Variants in TRPA1 observed in about 807,000 individuals in gnomAD.
The protein encoded by TRPA1 is transient receptor potential cation channel subfamily A member 1.
In TRPA1, 129 loss-of-function variants were observed where a neutral mutation model predicts 131.3. The ratio of observed to expected loss-of-function variants is 0.98; its 90% CI spans 0.85 to 1.14. The LOEUF is 1.14. Ranked by LOEUF, TRPA1 falls within the 50% of genes most tolerant of loss-of-function variation. TRPA1 has a pLI of 0.00. For missense variants in TRPA1, 1,304 were observed against 1,354.2 expected, an observed-to-expected ratio of 0.96 and a Z score of 0.58; for synonymous variants, 441 against 451.7, an observed-to-expected ratio of 0.98 and a Z score of 0.30.
rs781662861 is a variant in TRPA1 at position 72,059,429 on chromosome 8, C to A, written c.954G>T (p.Leu318Phe). The change falls in exon 8 of 27, where the codon TTG becomes TTT. Residue 318 changes from leucine (L) to phenylalanine (F), a missense_variant. Leu to Phe is a conservative substitution (Grantham distance 22, BLOSUM62 0). Coordinates refer to ENST00000262209, the MANE Select transcript of TRPA1 (RefSeq NM_007332.3). Reference sequence around the variant, plus strand: ...AGTCTGCTAGCTCATGGTGATCAAACAATGAAGCTCTGAAAAAACAGAATT... The same window carrying A: ...AGTCTGCTAGCTCATGGTGATCAAAAAATGAAGCTCTGAAAAAACAGAATT... ...CHETMLHRAS[L>F]FDHHELADYL... 6.3e-7 allele frequency: 1 copy of A among 1,580,576 alleles called. No individual in the cohort carries two copies. The highest frequency in any genetic ancestry group is 8.6e-7 in the Non-Finnish European group (1 of 1,156,196).
At chr8:72,041,278 T>C (rs1422360317) in intron 17 of TRPA1, 1 of 152,000 alleles carries the variant, frequency 6.6e-6, no homozygotes, top group East Asian at 1.9e-4. Flanking sequence ...GACTTCACTA[T>C]CTGACTTTCA....
intron 17 of TRPA1, among the ~76,000 whole-genome samples, chr8:72,041,614 A>T (rs561809730): frequency 6.6e-6 from 1 of 152,094 alleles, no homozygotes; most frequent in South Asian, 2.1e-4. Flanking sequence ...TAAACAGCAA[A>T]TAGGTCAAAG....
chr8:72,072,378 C>T (rs1806083012), intron 1 of TRPA1, among the ~76,000 whole-genome samples: 1 of 152,146 alleles, frequency 6.6e-6, no homozygotes, highest in African/African-American at 2.4e-5. Flanking sequence ...ATTTATTCAG[C>T]AAATGTCAGG....
intron 3 of TRPA1, 132 bp downstream of exon 3, chr8:72,068,891 A>G: frequency 1.1e-6 from 1 of 920,112 alleles, no homozygotes; most frequent in East Asian, 2.4e-5. Context: ...AGTAAAGCAA[A>G]TGTAATAATT....
chr8:72,031,458 G>C (rs774942243), intron 23 of TRPA1, among the ~76,000 whole-genome samples: 1 of 151,586 alleles, frequency 6.6e-6, no homozygotes, highest in African/African-American at 2.4e-5. Context: ...AGCACCTGTA[G>C]TTACAGCTTC....
chr8:72,073,834 A>G (rs768899281), intron 1 of TRPA1, among the ~76,000 whole-genome samples: 3 of 152,214 alleles, frequency 2.0e-5, no homozygotes, highest in Admixed American at 6.5e-5. Context: ...AAATCTATTT[A>G]TGACTCAGTT....
the TRPA1 span, among the ~76,000 whole-genome samples, chr8:72,089,457 T>G: frequency 6.6e-6 from 1 of 152,280 alleles, no homozygotes; most frequent in East Asian, 1.9e-4. Flanking sequence ...TTATTATATG[T>G]GGAAGCTTTA....
the TRPA1 span, among the ~76,000 whole-genome samples, chr8:72,087,640 A>ATATT: frequency 6.7e-6 from 1 of 149,912 alleles, no homozygotes; most frequent in African/African-American, 2.4e-5. Flanking sequence ...AAATATATAT[A>ATATT]TATATATATT....
At chr8:72,035,653 G>C (rs531190838) in intron 21 of TRPA1, among the ~76,000 whole-genome samples, 1 of 152,158 alleles carries the variant, frequency 6.6e-6, no homozygotes, top group Non-Finnish European at 1.5e-5. Flanking sequence ...TCCCTGTCTA[G>C]AATTAGATTC....
chr8:72,071,307 AGT>A (rs1347543674), intron 2 of TRPA1, among the ~76,000 whole-genome samples: 2 of 152,194 alleles, frequency 1.3e-5, no homozygotes, highest in Non-Finnish European at 2.9e-5. Context: ...AACAAGGTAG[AGT>A]GTACAAGGCT....
intron 8 of TRPA1, among the ~76,000 whole-genome samples, chr8:72,058,402 A>G (rs942431779): frequency 1.3e-5 from 2 of 152,224 alleles, no homozygotes; most frequent in East Asian, 1.9e-4. Flanking sequence ...ACCATTACAT[A>G]TTATAATATT....
chr8:72,061,601 C>A (rs1278872406), intron 7 of TRPA1, 24 bp downstream of exon 7: 3 of 1,613,602 alleles, frequency 1.9e-6, no homozygotes, highest in Admixed American at 1.7e-5. Flanking sequence ...AATCTGTATA[C>A]AGAATGATAG....
chr8:72,026,604 A>T (rs1371281088), intron 24 of TRPA1, among the ~76,000 whole-genome samples: 1 of 152,230 alleles, frequency 6.6e-6, no homozygotes, highest in Admixed American at 6.5e-5. Context: ...AGAGTATGTC[A>T]TGCATTTCTC....
At chr8:72,087,050 T>G in the TRPA1 span, among the ~76,000 whole-genome samples, 5 of 152,210 alleles carry the variant, frequency 3.3e-5, no homozygotes, top group African/African-American at 9.6e-5. Context: ...GAAGAAATTT[T>G]ACTACTTCTT....
In TRPA1 at chr8:72,062,917, A is replaced by G. The variant is rs1175811884; in HGVS notation, c.689T>C (p.Leu230Ser). Residue 230 changes from leucine to serine, a missense_variant, in exon 6 of 27, where the codon TTG (leucine) becomes TCG (serine). Transcript: ENST00000262209. ...CCCATTATTCATAAAGTTAATGTGC[A>G]ACTGTCTACTGTACCCATGCTCTTC... Reference protein sequence around the residue: ...FGEEHGYSRQLHINFMNNGKA... With the variant: ...FGEEHGYSRQSHINFMNNGKA... The G allele has an allele frequency of 5.0e-6, 8 of 1,613,934 alleles. No individual in the cohort carries two copies. The African/African-American group carries it at 5.3e-5, about 11-fold the overall frequency.
chr8:72,040,949 G>A (rs1030759423), intron 17 of TRPA1, among the ~76,000 whole-genome samples: 2 of 151,952 alleles, frequency 1.3e-5, no homozygotes, highest in Non-Finnish European at 2.9e-5. Flanking sequence ...TAAAACCCAG[G>A]ATTCAACTAC....
At position 72,022,798 on chromosome 8, in the gene TRPA1, A is replaced by G; in HGVS notation, c.*108T>C. The stretch of plus-strand genomic sequence containing the variant: ...CAGCATGCAGGAACCATGATTTCAC[A>G]CGCAGCAAAATGAATCATTCTGCTT... On this transcript the variant is annotated 3_prime_UTR_variant, in exon 27 of 27. Transcript: ENST00000262209. 9.8e-7 allele frequency: 1 copy of G among 1,021,412 alleles called. No homozygotes were observed. 63.3% of individuals were successfully genotyped at this position (1,021,412 alleles called of 1,614,324 possible). A position where few individuals can be genotyped will look rare whatever the true frequency, so the allele number is the denominator to read the frequency against.
Position 72,046,566 on chromosome 8 carries a change from T to G in TRPA1, c.2008A>C (p.Thr670Pro). ...ACATCCTGTGTAGGTGTTTTTTTGG[T>G]GAATTCTAATGGACATTGAAGATAT... is the stretch of plus-strand genomic sequence containing the variant. ...FKYLQCPLEF[T>P]KKTPTQDVIY... The change falls in exon 17 of 27, where the codon ACC becomes CCC. Residue 670 changes from threonine (T) to proline (P), a missense_variant. Transcript: ENST00000262209. 9 of 1,600,206 alleles carry G rather than the reference T, an allele frequency of 5.6e-6. No individual in the cohort carries two copies. Among genetic ancestry groups the G allele is most frequent in the Non-Finnish European group, 7.7e-6 (9 of 1,170,162 alleles).
upstream of TRPA1, among the ~76,000 whole-genome samples, chr8:72,075,902 G>A (rs1774150662): frequency 7.0e-6 from 1 of 142,376 alleles, no homozygotes; most frequent in African/African-American, 2.6e-5. Context: ...GTGTGTGTGT[G>A]TGTGTTGGGT....
Sources: gnomAD v4.1 joint callset for allele counts (sites outside exome capture counted in the v4.1 genomes callset) on GRCh38, gnomAD v4.1.1 for gene constraint, MANE v1.5 for transcripts, NCBI Gene and HGNC (gene_info 2026-07-23, HGNC 2026-07-21) for gene names.